SLC12A1: variants seen among roughly 807,000 people sequenced by gnomAD.
The protein encoded by SLC12A1 is solute carrier family 12 member 1.
Under a neutral mutation model 130.4 loss-of-function variants are expected in SLC12A1, and 89 were observed. That is an observed-to-expected ratio of 0.68 (90% CI 0.58 to 0.81). The LOEUF (loss-of-function observed/expected upper bound fraction) is 0.81. SLC12A1 is among the 40% of genes least tolerant of loss of function. The probability of loss-of-function intolerance (pLI) is 0.00; values close to 1 mark genes in which losing one functional copy is unlikely to be tolerated. For missense variants in SLC12A1, 1,310 were observed against 1,336.4 expected (o/e 0.98, Z 0.31); for synonymous variants, 499 against 460.0 (o/e 1.08, Z -1.09).
intron 16 of SLC12A1, among the ~76,000 whole-genome samples, chr15:48,257,491 A>G (rs894405565): frequency 2.0e-5 from 3 of 152,184 alleles, no homozygotes; most frequent in African/African-American, 7.2e-5. Flanking sequence ...CTGGATATCC[A>G]GGCATTTCCA....
intron 20 of SLC12A1, among the ~76,000 whole-genome samples, chr15:48,277,230 C>A (rs1034189065): frequency 6.6e-6 from 1 of 151,222 alleles, no homozygotes; most frequent in East Asian, 1.9e-4. Context: ...AAGAAAGGGG[C>A]GACCCACGGA....
chr15:48,254,874 A>G (rs2041688532), intron 15 of SLC12A1, among the ~76,000 whole-genome samples: 1 of 151,774 alleles, frequency 6.6e-6, no homozygotes, highest in African/African-American at 2.4e-5. Flanking sequence ...CAGTAAGCCC[A>G]GATCGCGCCA....
rs1324469665 is a variant in SLC12A1, at chr15:48,247,345, C to A, written c.1569C>A (p.Cys523Ter). The A allele has an allele frequency of 6.2e-7, 1 of 1,612,340 alleles. No individual in the cohort carries two copies. Among genetic ancestry groups the A allele is most frequent in the African/African-American group, 1.3e-5 (1 of 74,802 alleles). ...VSAPKVFQAL[C>*]KDNIYKALQF... ...CTCTTCTTTTCCATTAGGCTCTGTG[C>A]AAGGACAACATCTACAAAGCCCTGC... is the stretch of plus-strand genomic sequence containing the variant. Residue 523 changes from cysteine (C) to a stop codon, truncating the protein, a stop_gained, in exon 13 of 27, where the codon TGC (cysteine) becomes TGA (stop). Coordinates refer to ENST00000380993, the MANE Select transcript of SLC12A1 (RefSeq NM_000338.3). LOFTEE classifies it high-confidence loss of function.
At chr15:48,226,291 A>G in intron 4 of SLC12A1, 185 bp from the exon 5 acceptor site, 1 of 520,512 alleles carries the variant, frequency 1.9e-6, no homozygotes, top group Non-Finnish European at 3.3e-6. Context: ...CCTTCATCAT[A>G]ATGAGCAGTT....
chr15:48,247,665 T>C (rs2041598642), intron 13 of SLC12A1, among the ~76,000 whole-genome samples: 1 of 152,228 alleles, frequency 6.6e-6, no homozygotes, highest in African/African-American at 2.4e-5. Flanking sequence ...ATCTATTCTT[T>C]GAATCTTGAG....
intron 2 of SLC12A1, among the ~76,000 whole-genome samples, chr15:48,213,788 G>T (rs572583456): frequency 1.2e-4 from 19 of 152,196 alleles, no homozygotes; most frequent in Non-Finnish European, 2.2e-4. Context: ...CTCCCAAAGT[G>T]CTGGGACTAC....
chr15:48,234,963 A>C lies in SLC12A1; in HGVS notation c.1174A>C (p.Thr392Pro). ...CTTTGCCATTTTTTTCCCAGCAGCT[A>C]CTGGGATTCTTGCTGGTGCCAATAT... ...SVFAIFFPAA[T>P]GILAGANISG... Residue 392 changes from threonine to proline, a missense_variant, in exon 9 of 27, where the codon ACT becomes CCT. By Grantham distance (38) the Thr-to-Pro change is conservative. Transcript: ENST00000380993. The C allele has an allele frequency of 6.2e-7, 1 of 1,613,648 alleles. No homozygotes were observed. The highest frequency in any genetic ancestry group is 8.5e-7 in the Non-Finnish European group (1 of 1,179,624).
chr15:48,274,444 C>G (rs2041929274), intron 19 of SLC12A1, 127 bp from the exon 20 acceptor site: 2 of 694,050 alleles, frequency 2.9e-6, no homozygotes, highest in Non-Finnish European at 5.2e-6. Context: ...CAGCTCTTGG[C>G]TATATTCTAA....
intron 23 of SLC12A1, among the ~76,000 whole-genome samples, chr15:48,289,782 A>C (rs544048274): frequency 6.6e-6 from 1 of 152,312 alleles, no homozygotes; most frequent in South Asian, 2.1e-4. Flanking sequence ...ACTTACCATG[A>C]GTGGAACTTG....
chr15:48,284,747 C>T (rs1719724587), intron 20 of SLC12A1, among the ~76,000 whole-genome samples: 1 of 152,126 alleles, frequency 6.6e-6, no homozygotes, highest in Non-Finnish European at 1.5e-5. Context: ...TCAGGTGATC[C>T]TCTCACCTCG....
At chr15:48,239,365 C>T (rs990563984) in intron 9 of SLC12A1, among the ~76,000 whole-genome samples, 4 of 151,824 alleles carry the variant, frequency 2.6e-5, no homozygotes, top group Admixed American at 2.6e-4. Context: ...ACACAAAAAA[C>T]TAGCTGGGCG....
intron 24 of SLC12A1, among the ~76,000 whole-genome samples, chr15:48,294,297 G>A (rs1417530421): frequency 5.0e-5 from 7 of 141,222 alleles, no homozygotes; most frequent in African/African-American, 1.6e-4. Flanking sequence ...GCAGTGAGCC[G>A]AGATCGCACC....
chr15:48,269,656 A>C lies in SLC12A1; in HGVS notation c.2296-2A>C. The C allele has an allele frequency of 1.3e-6, 2 of 1,579,724 alleles. No individual in the cohort carries two copies. The highest frequency in any genetic ancestry group is 1.7e-6 in the Non-Finnish European group (2 of 1,149,826). ...GCCCACATTTTTATGTCCTCTGTTT[A>C]GGCCTCAGGCTTAGGAAGAATGAAA... On this transcript the variant is annotated splice_acceptor_variant, in intron 18 of 26. Transcript: ENST00000380993. LOFTEE classifies it high-confidence loss of function.
intron 2 of SLC12A1, among the ~76,000 whole-genome samples, chr15:48,213,589 T>C (rs2041082583): frequency 6.6e-6 from 1 of 151,312 alleles, no homozygotes; most frequent in African/African-American, 2.4e-5. Context: ...CTGCAAGCTC[T>C]GCCTCCCGGG....
intron 20 of SLC12A1, among the ~76,000 whole-genome samples, chr15:48,284,376 T>C (rs1314755488): frequency 6.6e-6 from 1 of 152,232 alleles, no homozygotes; most frequent in Non-Finnish European, 1.5e-5. Flanking sequence ...TGATATATAC[T>C]CAGTGTACTT....
At chr15:48,217,934 G>A (rs886799958) in intron 2 of SLC12A1, 4 of 151,998 alleles carry the variant, frequency 2.6e-5, no homozygotes, top group Admixed American at 2.0e-4. Context: ...AGCCTCCCAA[G>A]TAGATGGGAC....
chr15:48,275,539 C>A (rs1160165132), intron 20 of SLC12A1, among the ~76,000 whole-genome samples: 1 of 152,046 alleles, frequency 6.6e-6, no homozygotes. Context: ...GGCATTCTGG[C>A]AAAAATTACC....
intron 20 of SLC12A1, among the ~76,000 whole-genome samples, chr15:48,279,442 T>C (rs2041988564): frequency 6.6e-6 from 1 of 152,204 alleles, no homozygotes; most frequent in Non-Finnish European, 1.5e-5. Context: ...ATCAGCTTTA[T>C]AGATAATTTA....
Position 48,226,588 on chromosome 15 carries a change from A to G in SLC12A1, c.724+17A>G. 1.3e-6 allele frequency: 2 copies of G among 1,501,306 alleles called. No individual in the cohort carries two copies. The highest frequency in any genetic ancestry group is 1.4e-5 in the African/African-American group (1 of 72,706). 93.0% of individuals were successfully genotyped at this position (1,501,306 alleles called of 1,614,324 possible). Reference sequence around the variant, plus strand: ...TTCGTGGAGGTAAAATCTCTAAGATATCTAATGCCCTCATCACTTGCTACG... The same window carrying G: ...TTCGTGGAGGTAAAATCTCTAAGATGTCTAATGCCCTCATCACTTGCTACG... On this transcript the variant is annotated intron_variant, in intron 5 of 26. Coordinates refer to ENST00000380993, the MANE Select transcript of SLC12A1 (RefSeq NM_000338.3).
Sources: gnomAD v4.1 joint callset for allele counts (sites outside exome capture counted in the v4.1 genomes callset) on GRCh38, gnomAD v4.1.1 for gene constraint, MANE v1.5 for transcripts, NCBI Gene and HGNC (gene_info 2026-07-23, HGNC 2026-07-21) for gene names.